Variants in ZNF423 observed in about 807,000 individuals in gnomAD.
The protein encoded by ZNF423 is zinc finger protein 423.
ZNF423 carries 12 observed loss-of-function variants against 95.8 expected under a neutral mutation model. That is an observed-to-expected ratio of 0.13 (90% CI 0.08 to 0.20). ZNF423 has a LOEUF of 0.20. Ranked by LOEUF, ZNF423 falls within the 10% of genes least tolerant of loss-of-function variation. ZNF423 has a pLI of 1.00. For missense variants in ZNF423, 1,316 were observed against 1,737.1 expected, an observed-to-expected ratio of 0.76 and a Z score of 4.31; for synonymous variants, 749 against 711.9, an observed-to-expected ratio of 1.05 and a Z score of -0.83.
intron 1 of ZNF423, chr16:49,854,214 G>A: frequency 1.0e-6 from 1 of 985,408 alleles, no homozygotes; most frequent in Non-Finnish European, 1.2e-6. Flanking sequence ...GCCAGGGTGA[G>A]GCGAACAAGA....
intron 2 of ZNF423, among the ~76,000 whole-genome samples, chr16:49,771,755 T>A (rs2034039482): frequency 6.6e-6 from 1 of 152,224 alleles, no homozygotes; most frequent in Non-Finnish European, 1.5e-5. Context: ...CCCAGCCATG[T>A]GGAACTGTAA....
intron 5 of ZNF423, among the ~76,000 whole-genome samples, chr16:49,608,325 G>A (rs1971608929): frequency 6.6e-6 from 1 of 152,198 alleles, no homozygotes; most frequent in African/African-American, 2.4e-5. Flanking sequence ...GGGGAAGGAG[G>A]AGGGGCCTGA....
rs1417190335 is a variant in ZNF423, at chr16:49,837,707, C to T, written c.40+18028G>A. Among the ~76,000 whole-genome samples the T allele has an allele frequency of 6.6e-5, 10 of 152,358 alleles. No individual in the cohort carries two copies. The East Asian group carries it at 1.5e-3, about 24-fold the overall frequency. On this transcript the variant is annotated intron_variant, in intron 1 of 7. Coordinates refer to ENST00000563137, the MANE Select transcript of ZNF423 (RefSeq NM_001379286.1). ...CCCAGATTTTGTCCCATCATGTCCT[C>T]GTGGACAGAGACTATGGCCTCTTCT...
chr16:49,832,130 G>A (rs376499444), intron 1 of ZNF423, among the ~76,000 whole-genome samples: 2 of 152,218 alleles, frequency 1.3e-5, no homozygotes, highest in South Asian at 4.1e-4. Flanking sequence ...CATCTGGGGT[G>A]TGGGGCAGGC....
intron 1 of ZNF423, among the ~76,000 whole-genome samples, chr16:49,824,885 T>C (rs2034989298): frequency 6.6e-6 from 1 of 152,190 alleles, no homozygotes; most frequent in Admixed American, 6.5e-5. Flanking sequence ...CACCAGCAGC[T>C]GCCCTCCTCT....
chr16:49,558,350 A>G (rs1161999591), intron 5 of ZNF423, among the ~76,000 whole-genome samples: 1 of 152,206 alleles, frequency 6.6e-6, no homozygotes, highest in African/African-American at 2.4e-5. Context: ...AGCATTAGCT[A>G]GTATTAAGAT....
At chr16:49,830,786 C>A (rs2035052885) in intron 1 of ZNF423, among the ~76,000 whole-genome samples, 1 of 152,142 alleles carries the variant, frequency 6.6e-6, no homozygotes, top group African/African-American at 2.4e-5. Context: ...TCTCTGCTGA[C>A]AGTACTGAGC....
intron 1 of ZNF423, among the ~76,000 whole-genome samples, chr16:49,848,637 T>C (rs193017676): frequency 1.6e-4 from 24 of 152,318 alleles, no homozygotes; most frequent in Admixed American, 1.2e-3. Context: ...TATATCCCAA[T>C]TCAGAAGATG....
chr16:49,519,328 A>G (rs62029131), intron 7 of ZNF423, among the ~76,000 whole-genome samples: 217 of 152,298 alleles, frequency 1.4e-3, no homozygotes, highest in Non-Finnish European at 2.6e-3. Flanking sequence ...GTCTAACGGT[A>G]AATGAACGTT....
intron 3 of ZNF423, among the ~76,000 whole-genome samples, chr16:49,642,154 C>T (rs977939432): frequency 3.3e-5 from 5 of 152,194 alleles, no homozygotes; most frequent in East Asian, 1.9e-4. Context: ...TGTCTATTAT[C>T]GCAATTAATT....
intron 7 of ZNF423, among the ~76,000 whole-genome samples, chr16:49,514,609 G>A (rs1430872245): frequency 6.6e-6 from 1 of 152,118 alleles, no homozygotes. Context: ...TATCGAAAGG[G>A]CTCCGGGTTG....
chr16:49,820,948 TA>T (rs2034930652), intron 1 of ZNF423, among the ~76,000 whole-genome samples: 1 of 152,252 alleles, frequency 6.6e-6, no homozygotes, highest in African/African-American at 2.4e-5. Flanking sequence ...TATGTGCTTT[TA>T]AATTGGTCTC....
chr16:49,595,099 G>T (rs75142807), intron 5 of ZNF423, among the ~76,000 whole-genome samples: 2 of 152,178 alleles, frequency 1.3e-5, no homozygotes, highest in Non-Finnish European at 2.9e-5. Flanking sequence ...CACGATCTGC[G>T]TCACAGCTAA....
intron 5 of ZNF423, among the ~76,000 whole-genome samples, chr16:49,560,580 G>A (rs371828127): frequency 3.9e-5 from 6 of 152,192 alleles, no homozygotes; most frequent in African/African-American, 1.4e-4. Flanking sequence ...TCGTGCTATC[G>A]TGTGTGGTGT....
intron 1 of ZNF423, among the ~76,000 whole-genome samples, chr16:49,802,806 T>C (rs1421665617): frequency 2.0e-5 from 3 of 152,220 alleles, no homozygotes; most frequent in Non-Finnish European, 4.4e-5. Flanking sequence ...ATGTACAACG[T>C]AGAAAACTAG....
chr16:49,676,288 G>A (rs185283426), intron 3 of ZNF423, among the ~76,000 whole-genome samples: 3 of 152,304 alleles, frequency 2.0e-5, no homozygotes, highest in East Asian at 1.9e-4. Flanking sequence ...ACACGCACAC[G>A]GGCATGTGGC....
intron 6 of ZNF423, among the ~76,000 whole-genome samples, 192 bp downstream of exon 6, chr16:49,525,171 C>T (rs146706505): frequency 1.0e-3 from 156 of 152,238 alleles, no homozygotes; most frequent in African/African-American, 3.5e-3. Flanking sequence ...TGAAGGAGGG[C>T]GCGTGTCAGC....
chr16:49,829,976 G>A (rs1006546798), intron 1 of ZNF423, among the ~76,000 whole-genome samples: 6 of 152,158 alleles, frequency 3.9e-5, no homozygotes, highest in Non-Finnish European at 1.5e-5. Context: ...ACACAAGAGT[G>A]GGCAAGTCAA....
chr16:49,601,244 G>T (rs895425263), intron 5 of ZNF423, among the ~76,000 whole-genome samples: 3 of 152,214 alleles, frequency 2.0e-5, no homozygotes, highest in African/African-American at 7.2e-5. Context: ...ATACCACGCG[G>T]GTTCCCATCC....
Sources: allele counts gnomAD v4.1 joint callset (sites outside exome capture counted in the v4.1 genomes callset), GRCh38; gene constraint gnomAD v4.1.1; transcripts MANE v1.5; gene names NCBI Gene and HGNC (gene_info 2026-07-23, HGNC 2026-07-21).